Variants in SYNPO2 observed in about 807,000 individuals in gnomAD.
SYNPO2 encodes synaptopodin 2, also known as synaptopodin-2.
Under a neutral mutation model 85.0 loss-of-function variants are expected in SYNPO2, and 56 were observed. The observed-to-expected ratio is 0.66, with a 90% confidence interval of 0.53 to 0.82. SYNPO2 has a LOEUF of 0.82. SYNPO2 is among the 40% of genes least tolerant of loss of function. The pLI is 0.00. For missense variants in SYNPO2, 1,575 were observed against 1,534.2 expected, an observed-to-expected ratio of 1.03 and a Z score of -0.44; for synonymous variants, 602 against 591.1, an observed-to-expected ratio of 1.02 and a Z score of -0.27.
intron 1 of SYNPO2, among the ~76,000 whole-genome samples, chr4:118,860,939 G>A (rs1414414758): frequency 2.6e-5 from 4 of 152,062 alleles, no homozygotes; most frequent in Middle Eastern, 3.2e-3. Context: ...TTAATCCCTT[G>A]TCAGATGGGT....
intron 1 of SYNPO2, among the ~76,000 whole-genome samples, chr4:118,906,593 A>C (rs1269687673): frequency 1.3e-5 from 2 of 152,206 alleles, no homozygotes; most frequent in Non-Finnish European, 2.9e-5. Context: ...AATTTGAAAA[A>C]TAAGGAAGTG....
chr4:118,879,884 A>G (rs537528418), intron 1 of SYNPO2, among the ~76,000 whole-genome samples: 144 of 151,966 alleles, frequency 9.5e-4, no homozygotes, highest in African/African-American at 3.3e-3. Flanking sequence ...AGACCCTGCA[A>G]CCGTTTGCCT....
intron 1 of SYNPO2, among the ~76,000 whole-genome samples, chr4:118,928,755 CTG>C (rs1015934989): frequency 6.6e-6 from 1 of 152,094 alleles, no homozygotes; most frequent in Admixed American, 6.6e-5. Context: ...TCTTGGGATA[CTG>C]TGAGACAAAG....
chr4:118,943,106 CA>C (rs1321117002), intron 1 of SYNPO2, among the ~76,000 whole-genome samples: 2,294 of 107,874 alleles, frequency 0.021, 31 homozygotes, highest in African/African-American at 0.058. Flanking sequence ...GACTCCATCT[CA>C]AAAAAAAAAA....
intron 4 of SYNPO2, among the ~76,000 whole-genome samples, chr4:119,044,405 C>T (rs1161906382): frequency 6.6e-6 from 1 of 152,176 alleles, no homozygotes. Context: ...TTAAATAAAA[C>T]TTATCACTTG....
At chr4:118,908,913 C>A (rs1017701337) in intron 1 of SYNPO2, among the ~76,000 whole-genome samples, 4 of 152,018 alleles carry the variant, frequency 2.6e-5, no homozygotes, top group Admixed American at 2.0e-4. Flanking sequence ...TTAAAGATTC[C>A]TGACCTATCT....
chr4:118,890,087 T>C (rs762842784), intron 1 of SYNPO2, among the ~76,000 whole-genome samples: 2 of 152,152 alleles, frequency 1.3e-5, no homozygotes, highest in Non-Finnish European at 2.9e-5. Context: ...ACATGGGCCA[T>C]TGCCTTTGTA....
At chr4:118,940,932 A>G (rs1288135918) in intron 1 of SYNPO2, among the ~76,000 whole-genome samples, 1 of 152,046 alleles carries the variant, frequency 6.6e-6, no homozygotes, top group Non-Finnish European at 1.5e-5. Context: ...CTCTTCATTC[A>G]GCTCCCTCTT....
At chr4:118,960,520 T>C (rs1735042269) in intron 1 of SYNPO2, among the ~76,000 whole-genome samples, 1 of 152,024 alleles carries the variant, frequency 6.6e-6, no homozygotes, top group African/African-American at 2.4e-5. Context: ...ATTAGGTAAA[T>C]GTATCTAATC....
At chr4:119,014,194 G>T (rs1209831918) in intron 1 of SYNPO2, among the ~76,000 whole-genome samples, 3 of 152,186 alleles carry the variant, frequency 2.0e-5, no homozygotes, top group Non-Finnish European at 4.4e-5. Context: ...AGGCCAAGGA[G>T]GGTGGATCAT....
In SYNPO2 at chr4:118,894,886, T is replaced by A. The variant is rs139691994; in HGVS notation, c.105+5745T>A. Among the ~76,000 whole-genome samples the A allele has an allele frequency of 2.4e-3, 371 of 152,126 alleles. 1 individual carries two copies. The highest frequency in any genetic ancestry group is 8.4e-3 in the African/African-American group (349 of 41,534). On this transcript the variant is annotated intron_variant, in intron 1 of 4. Transcript: ENST00000307142. ...AAAGAGGAAGAATATACACTTCTTG[T>A]TATGCCCAGTCAAATTTTCATTCAT... is the stretch of plus-strand genomic sequence containing the variant.
chr4:118,988,793 G>A (rs950789874), intron 1 of SYNPO2, among the ~76,000 whole-genome samples: 3 of 152,044 alleles, frequency 2.0e-5, no homozygotes, highest in African/African-American at 7.3e-5. Context: ...GCACAGTGCC[G>A]GCATCTCTGC....
At chr4:118,930,634 G>T (rs1027164128) in intron 1 of SYNPO2, among the ~76,000 whole-genome samples, 1 of 151,870 alleles carries the variant, frequency 6.6e-6, no homozygotes, top group Non-Finnish European at 1.5e-5. Flanking sequence ...AATAGCATAT[G>T]CTGGGTGAGG....
chr4:119,014,780 C>T (rs1198201024), intron 1 of SYNPO2, among the ~76,000 whole-genome samples: 3 of 152,178 alleles, frequency 2.0e-5, no homozygotes, highest in Admixed American at 1.3e-4. Flanking sequence ...ATCATTTAAA[C>T]CAGCTCTTCC....
intron 1 of SYNPO2, among the ~76,000 whole-genome samples, chr4:119,007,240 A>ATG (rs1560972054): frequency 3.1e-4 from 13 of 42,564 alleles, no homozygotes; most frequent in Admixed American, 8.2e-4. Context: ...ATATATATAT[A>ATG]TATATGTATA....
At chr4:118,908,476 T>C (rs766964588) in intron 1 of SYNPO2, among the ~76,000 whole-genome samples, 17 of 152,202 alleles carry the variant, frequency 1.1e-4, no homozygotes, top group Non-Finnish European at 2.2e-4. Context: ...AAGAAAATTC[T>C]CACATTTTAG....
chr4:118,925,651 T>G (rs754397), intron 1 of SYNPO2, among the ~76,000 whole-genome samples: 1 of 152,058 alleles, frequency 6.6e-6, no homozygotes, highest in South Asian at 2.1e-4. Context: ...CTAATCCTAA[T>G]AGGGTTCCTG....
At chr4:118,922,636 C>A (rs1407823143) in intron 1 of SYNPO2, among the ~76,000 whole-genome samples, 1 of 151,502 alleles carries the variant, frequency 6.6e-6, no homozygotes, top group African/African-American at 2.4e-5. Context: ...AAAAGGGACA[C>A]ATATCATCTT....
At chr4:119,029,757 C>T (rs1738131032) in intron 3 of SYNPO2, 88 bp from the exon 4 acceptor site, 1 of 1,374,726 alleles carries the variant, frequency 7.3e-7, no homozygotes, top group African/African-American at 1.4e-5. Flanking sequence ...TATTTATTTT[C>T]CCCCAGGAGA....
Sources: gnomAD v4.1 joint callset for allele counts (sites outside exome capture counted in the v4.1 genomes callset) on GRCh38, gnomAD v4.1.1 for gene constraint, MANE v1.5 for transcripts, NCBI Gene and HGNC (gene_info 2026-07-23, HGNC 2026-07-21) for gene names.